PIWIL1: variants seen among roughly 807,000 people sequenced by gnomAD.
The protein encoded by PIWIL1 is piwi-like protein 1.
A neutral mutation model predicts 114.4 loss-of-function variants in PIWIL1; 73 were observed. The ratio of observed to expected loss-of-function variants is 0.64; its 90% CI spans 0.53 to 0.78. The LOEUF is 0.78. PIWIL1 is among the 30% of genes least tolerant of loss of function. The probability of loss-of-function intolerance (pLI) is 0.00; values close to 1 mark genes in which losing one functional copy is unlikely to be tolerated. For synonymous variants in PIWIL1, 375 were observed against 369.0 expected (o/e 1.02, Z -0.19); for missense variants, 723 against 1,063.1 (o/e 0.68, Z 4.45).
chr12:130,390,145 A>T, the PIWIL1 span, among the ~76,000 whole-genome samples: 1 of 152,188 alleles, frequency 6.6e-6, no homozygotes, highest in Non-Finnish European at 1.5e-5. Context: ...GTTTTGTAAC[A>T]AGTTTTTTTC....
chr12:130,371,429 A>G (rs2073814082), intron 20 of PIWIL1, 53 bp from the exon 21 acceptor site: 16 of 1,608,020 alleles, frequency 1.0e-5, no homozygotes, highest in Non-Finnish European at 1.3e-5. Flanking sequence ...GAGATTTGCA[A>G]TTGAAAGAGG....
downstream of PIWIL1, among the ~76,000 whole-genome samples, chr12:130,377,487 A>G (rs1290092343): frequency 6.6e-6 from 1 of 152,208 alleles, no homozygotes; most frequent in Non-Finnish European, 1.5e-5. Context: ...CCTGGGAAGT[A>G]AGTTACACCA....
At chr12:130,405,038 T>A in the PIWIL1 span, among the ~76,000 whole-genome samples, 10 of 152,214 alleles carry the variant, frequency 6.6e-5, no homozygotes, top group Admixed American at 1.3e-4. Context: ...GGTAGATACT[T>A]GAGATTTACA....
At chr12:130,409,036 C>G in the PIWIL1 span, among the ~76,000 whole-genome samples, 2 of 152,182 alleles carry the variant, frequency 1.3e-5, no homozygotes, top group Non-Finnish European at 2.9e-5. Context: ...TCGTGTTTCT[C>G]AGCATTATTC....
At chr12:130,358,315 T>C (rs999487377) in intron 14 of PIWIL1, among the ~76,000 whole-genome samples, 2 of 152,182 alleles carry the variant, frequency 1.3e-5, no homozygotes, top group Admixed American at 6.5e-5. Context: ...TGTGGGGACA[T>C]GCAGCAAGTG....
the PIWIL1 span, among the ~76,000 whole-genome samples, chr12:130,411,285 T>C: frequency 8.5e-5 from 13 of 152,298 alleles, no homozygotes; most frequent in Admixed American, 4.6e-4. Flanking sequence ...TAGATTTCCA[T>C]GTCATCTGTG....
downstream of PIWIL1, among the ~76,000 whole-genome samples, chr12:130,375,281 A>T (rs1020362320): frequency 6.6e-6 from 1 of 152,138 alleles, no homozygotes; most frequent in Non-Finnish European, 1.5e-5. Flanking sequence ...AAAGCACGCA[A>T]CCCTGTGTAA....
At chr12:130,346,865 A>G in intron 5 of PIWIL1, 76 bp from the exon 6 acceptor site, 2 of 1,540,090 alleles carry the variant, frequency 1.3e-6, no homozygotes, top group Non-Finnish European at 1.7e-6. Context: ...TTGCCTTATT[A>G]AGCAAGCAGT....
chr12:130,347,481 A>T (rs888000493), intron 6 of PIWIL1, among the ~76,000 whole-genome samples: 2 of 152,200 alleles, frequency 1.3e-5, no homozygotes, highest in Non-Finnish European at 2.9e-5. Flanking sequence ...AAAGCAAGAC[A>T]CGTGTTCTGC....
At chr12:130,360,453 T>A (rs1409336925) in intron 14 of PIWIL1, among the ~76,000 whole-genome samples, 1 of 151,986 alleles carries the variant, frequency 6.6e-6, no homozygotes, top group Non-Finnish European at 1.5e-5. Context: ...GCCGACACAA[T>A]GAAACCCCAT....
the PIWIL1 span, among the ~76,000 whole-genome samples, chr12:130,423,496 A>G: frequency 6.6e-6 from 1 of 152,180 alleles, no homozygotes. Flanking sequence ...GACACAATAT[A>G]GAGATGAATG....
chr12:130,406,763 C>T, the PIWIL1 span, among the ~76,000 whole-genome samples: 1 of 152,218 alleles, frequency 6.6e-6, no homozygotes, highest in Non-Finnish European at 1.5e-5. Context: ...TGTTCTGCCT[C>T]AGCCTCCTGA....
the PIWIL1 span, among the ~76,000 whole-genome samples, chr12:130,390,541 C>G: frequency 1.3e-5 from 2 of 152,008 alleles, no homozygotes; most frequent in Non-Finnish European, 2.9e-5. Flanking sequence ...ATTCAGCCAC[C>G]TGTGTGTGTG....
At chr12:130,386,038 T>C in the PIWIL1 span, among the ~76,000 whole-genome samples, 5 of 152,214 alleles carry the variant, frequency 3.3e-5, no homozygotes, top group Non-Finnish European at 7.3e-5. Flanking sequence ...TGTGCAGGTC[T>C]GTCCAAAGAC....
Position 130,354,528 on chromosome 12 carries a change from C to A in PIWIL1, c.1045-9C>A. The A allele has an allele frequency of 6.2e-7, 1 of 1,614,116 alleles. No homozygotes were observed. Among genetic ancestry groups the A allele is most frequent in the Non-Finnish European group, 8.5e-7 (1 of 1,179,998 alleles). On this transcript the variant is annotated splice_polypyrimidine_tract_variant and intron_variant, in intron 9 of 20. Transcript: ENST00000245255. Reference sequence around the variant, plus strand: ...GCCGTGAACAGCGACCCTTTCGTCTCTTGAGCAGCAATACAACCAAGAGAT... The same window carrying A: ...GCCGTGAACAGCGACCCTTTCGTCTATTGAGCAGCAATACAACCAAGAGAT...
At chr12:130,396,507 T>TTGAG in the PIWIL1 span, 4 of 152,634 alleles carry the variant, frequency 2.6e-5, no homozygotes, top group African/African-American at 9.6e-5. Flanking sequence ...CAGATTTAAA[T>TTGAG]TGAGTCTGGT....
chr12:130,424,522 G>A, the PIWIL1 span: 1 of 1,231,990 alleles, frequency 8.1e-7, no homozygotes, highest in Non-Finnish European at 1.0e-6. This position sits in a 1 kb window ranked among gnomAD's most constrained non-coding sequence, Gnocchi z 9.8. Flanking sequence ...CCGCTGTCCG[G>A]GCTCCGGGTG....
intron 5 of PIWIL1, 74 bp from the exon 6 acceptor site, chr12:130,346,867 G>A: frequency 6.5e-7 from 1 of 1,544,356 alleles, no homozygotes; most frequent in Non-Finnish European, 8.7e-7. Flanking sequence ...GCCTTATTAA[G>A]CAAGCAGTAT....
At chr12:130,357,731 C>G (rs2073402464) in intron 14 of PIWIL1, among the ~76,000 whole-genome samples, 178 bp downstream of exon 14, 1 of 152,016 alleles carries the variant, frequency 6.6e-6, no homozygotes, top group South Asian at 2.1e-4. Context: ...AGTTGTGCAC[C>G]TAGGAGTTTG....
Sources: allele counts gnomAD v4.1 joint callset (sites outside exome capture counted in the v4.1 genomes callset), GRCh38; gene constraint gnomAD v4.1.1; non-coding constraint Gnocchi (gnomAD v3.1); transcripts MANE v1.5; gene names NCBI Gene and HGNC (gene_info 2026-07-23, HGNC 2026-07-21).